The following PCMTD1 variants were observed in gnomAD, a reference collection of about 807,000 sequenced individuals.
PCMTD1 encodes the protein protein-L-isoaspartate (D-aspartate) O-methyltransferase domain containing 1.
PCMTD1 carries 12 observed loss-of-function variants against 37.6 expected under a neutral mutation model. That is an observed-to-expected ratio of 0.32 (90% CI 0.20 to 0.52). PCMTD1 has a LOEUF of 0.52. Among genes scored for constraint, PCMTD1 ranks in the 20% least tolerant of loss-of-function variants. PCMTD1 has a pLI of 0.97. For missense variants in PCMTD1, 235 were observed against 421.3 expected (o/e 0.56, Z 3.87); for synonymous variants, 117 against 135.8 (o/e 0.86, Z 0.96).
intron 1 of PCMTD1, among the ~76,000 whole-genome samples, chr8:51,877,143 A>AT (rs1485468336): frequency 6.6e-6 from 1 of 152,156 alleles, no homozygotes; most frequent in Non-Finnish European, 1.5e-5. Context: ...TAGCAAGGTC[A>AT]TTTTTTTACT....
chr8:51,896,215 G>A (rs1585867694), intron 1 of PCMTD1: 1 of 152,198 alleles, frequency 6.6e-6, no homozygotes, highest in East Asian at 1.9e-4. Context: ...CAAAGTGCTA[G>A]GATTACAGGC....
chr8:51,882,429 C>G (rs912906232), intron 1 of PCMTD1, among the ~76,000 whole-genome samples: 2 of 150,514 alleles, frequency 1.3e-5, no homozygotes, highest in Non-Finnish European at 2.9e-5. Flanking sequence ...CATGAACATT[C>G]AATTCATAAC....
At chr8:51,851,038 C>A (rs748657422) in intron 2 of PCMTD1, among the ~76,000 whole-genome samples, 5 of 152,176 alleles carry the variant, frequency 3.3e-5, no homozygotes, top group Non-Finnish European at 7.3e-5. Context: ...CTAAGAGAAG[C>A]TGTTCTAATA....
intron 2 of PCMTD1, among the ~76,000 whole-genome samples, chr8:51,848,253 A>C (rs76813841): frequency 6.6e-6 from 1 of 151,214 alleles, no homozygotes; most frequent in Non-Finnish European, 1.5e-5. Flanking sequence ...TGCCACTACA[A>C]TCCGGGCTGG....
chr8:51,872,140 G>A (rs1296948000), intron 1 of PCMTD1, among the ~76,000 whole-genome samples: 1 of 152,156 alleles, frequency 6.6e-6, no homozygotes, highest in Admixed American at 6.5e-5. Context: ...CAAGATATGA[G>A]GTTCATCTAG....
chr8:51,893,607 A>T (rs2038963838), intron 1 of PCMTD1, among the ~76,000 whole-genome samples: 1 of 152,196 alleles, frequency 6.6e-6, no homozygotes, highest in Non-Finnish European at 1.5e-5. Flanking sequence ...CATGGAAAAT[A>T]ATTCAAATAC....
intron 1 of PCMTD1, among the ~76,000 whole-genome samples, chr8:51,885,113 T>G (rs974140236): frequency 6.6e-6 from 1 of 152,094 alleles, no homozygotes; most frequent in Non-Finnish European, 1.5e-5. Flanking sequence ...GCCACCGAAA[T>G]AAAGACAGCA....
chr8:51,861,285 T>C (rs1307272958), intron 1 of PCMTD1, 39 bp from the exon 2 acceptor site: 2 of 1,323,298 alleles, frequency 1.5e-6, no homozygotes, highest in Non-Finnish European at 1.0e-6. Context: ...TTTAAATTAA[T>C]GCTCAAAAGC....
At chr8:51,886,907 G>C (rs1195674386) in intron 1 of PCMTD1, among the ~76,000 whole-genome samples, 1 of 151,942 alleles carries the variant, frequency 6.6e-6, no homozygotes, top group Non-Finnish European at 1.5e-5. Flanking sequence ...GTTCCTTTCT[G>C]AAGGTTCTTT....
chr8:51,845,966 C>T (rs891950257), intron 2 of PCMTD1, among the ~76,000 whole-genome samples: 22 of 151,944 alleles, frequency 1.4e-4, no homozygotes, highest in African/African-American at 4.8e-4. Flanking sequence ...AAAAAAAGTT[C>T]GCCTGAGTTT....
At chr8:51,836,800 CT>C (rs1267476636) in intron 3 of PCMTD1, among the ~76,000 whole-genome samples, 4 of 152,136 alleles carry the variant, frequency 2.6e-5, no homozygotes, top group African/African-American at 4.8e-5. Flanking sequence ...TCTTGTACTC[CT>C]GGCCTCAAGT....
chr8:51,884,375 A>G (rs76172997), intron 1 of PCMTD1, among the ~76,000 whole-genome samples: 3,484 of 152,310 alleles, frequency 0.023, 128 homozygotes, highest in African/African-American at 0.079. Context: ...ATCAAACACA[A>G]AAGCAGGAAT....
At chr8:51,886,055 T>TC (rs777868516) in intron 1 of PCMTD1, among the ~76,000 whole-genome samples, 1 of 152,226 alleles carries the variant, frequency 6.6e-6, no homozygotes, top group Non-Finnish European at 1.5e-5. Flanking sequence ...AGCACAAGGC[T>TC]CTTTCCTCCA....
intron 3 of PCMTD1, among the ~76,000 whole-genome samples, chr8:51,838,400 G>A (rs2038098172): frequency 6.6e-6 from 1 of 151,928 alleles, no homozygotes; most frequent in South Asian, 2.1e-4. Context: ...AAGGTGGGAA[G>A]ATCGCTTGAG....
Position 51,869,131 on chromosome 8 carries a change from C to T in PCMTD1, c.-95-7885G>A, listed in dbSNP as rs866149364. Among the ~76,000 whole-genome samples, 10 of 152,214 alleles carry T rather than the reference C, an allele frequency of 6.6e-5. No homozygotes were observed. In the South Asian group the frequency reaches 2.1e-3, roughly 32 times the overall value. Reference sequence around the variant, plus strand: ...ATTAGAATTGATTATAATTGATGTACACTTGAGAAGCTCGTAAATCGACGT... The same window carrying T: ...ATTAGAATTGATTATAATTGATGTATACTTGAGAAGCTCGTAAATCGACGT... On this transcript the variant is annotated intron_variant, in intron 1 of 5. Transcript: ENST00000522514.
Position 51,818,081 on chromosome 8 carries a change from T to TA in PCMTD1, c.*2269dup. On this transcript the variant is annotated 3_prime_UTR_variant, in exon 6 of 6. Transcript: ENST00000522514. The stretch of plus-strand genomic sequence containing the variant: ...CGTAATTTTCCATATCAAGTAAACA[T>TA]AAATTCATTAAAAAATAAACACAAA... 2.7e-6 allele frequency: 1 copy of TA among 370,548 alleles called. No homozygotes were observed. The allele number at this position is 370,548 out of a possible 1,614,324, so 23.0% of individuals were successfully genotyped here.
intron 1 of PCMTD1, chr8:51,896,119 T>C (rs1026817087): frequency 1.3e-5 from 2 of 152,066 alleles, no homozygotes; most frequent in African/African-American, 4.8e-5. Flanking sequence ...CTAATTTTTG[T>C]ATTTTTAGTA....
chr8:51,892,274 C>T (rs951394093), intron 1 of PCMTD1, among the ~76,000 whole-genome samples: 3 of 152,180 alleles, frequency 2.0e-5, no homozygotes, highest in African/African-American at 7.2e-5. Flanking sequence ...GATCCAGACA[C>T]CAAACTCCAG....
At chr8:51,875,617 A>T (rs1254492042) in intron 1 of PCMTD1, among the ~76,000 whole-genome samples, 1 of 152,232 alleles carries the variant, frequency 6.6e-6, no homozygotes, top group African/African-American at 2.4e-5. Flanking sequence ...TTCAACATAA[A>T]TAAAAATTAC....
Sources: allele counts gnomAD v4.1 joint callset (sites outside exome capture counted in the v4.1 genomes callset), GRCh38; gene constraint gnomAD v4.1.1; transcripts MANE v1.5; gene names NCBI Gene and HGNC (gene_info 2026-07-23, HGNC 2026-07-21).